ZNF385B: variants seen among roughly 807,000 people sequenced by gnomAD.
ZNF385B encodes zinc finger protein 533.
A neutral mutation model predicts 39.2 loss-of-function variants in ZNF385B; 23 were observed. The ratio of observed to expected loss-of-function variants is 0.59; its 90% confidence interval spans 0.42 to 0.83. The LOEUF is 0.83. Among genes scored for constraint, ZNF385B ranks in the 40% least tolerant of loss-of-function variants. ZNF385B has a pLI of 0.00. For missense variants in ZNF385B, 552 were observed against 598.9 expected (o/e 0.92, Z 0.82); for synonymous variants, 205 against 222.6 (o/e 0.92, Z 0.70).
At chr2:179,620,502 A>T (rs1690121026) in intron 3 of ZNF385B, among the ~76,000 whole-genome samples, 1 of 152,066 alleles carries the variant, frequency 6.6e-6, no homozygotes. Context: ...AGAATAACCT[A>T]TGGAGGCCAC....
intron 3 of ZNF385B, among the ~76,000 whole-genome samples, chr2:179,733,476 A>G (rs762477747): frequency 2.6e-5 from 4 of 152,192 alleles, no homozygotes; most frequent in Non-Finnish European, 5.9e-5. Context: ...AAAGTGAGCC[A>G]TGTGTATGTT....
At chr2:179,628,392 C>T (rs1690869821) in intron 3 of ZNF385B, among the ~76,000 whole-genome samples, 1 of 152,094 alleles carries the variant, frequency 6.6e-6, no homozygotes, top group Non-Finnish European at 1.5e-5. Flanking sequence ...GTCATTTGTC[C>T]TGTAGAATGT....
chr2:179,513,749 G>T (rs1268249012), intron 5 of ZNF385B, among the ~76,000 whole-genome samples: 1 of 152,170 alleles, frequency 6.6e-6, no homozygotes, highest in African/African-American at 2.4e-5. Flanking sequence ...AGATCATGTG[G>T]TTCATTTTAG....
At chr2:179,499,957 T>A (rs559464653) in intron 5 of ZNF385B, among the ~76,000 whole-genome samples, 10 of 152,146 alleles carry the variant, frequency 6.6e-5, no homozygotes, top group Admixed American at 6.5e-4. Context: ...GGATACAAAA[T>A]TAACATACAA....
intron 3 of ZNF385B, among the ~76,000 whole-genome samples, chr2:179,681,494 T>C (rs1225654335): frequency 6.6e-6 from 1 of 152,204 alleles, no homozygotes; most frequent in Non-Finnish European, 1.5e-5. Context: ...TTTTACATTA[T>C]GGTTAGACAA....
At chr2:179,637,334 A>AG (rs955171972) in intron 3 of ZNF385B, 5 of 152,146 alleles carry the variant, frequency 3.3e-5, no homozygotes, top group African/African-American at 9.7e-5. Flanking sequence ...GGGATTTTAT[A>AG]GGGGGAGTTT....
chr2:179,479,483 T>C (rs12052861), intron 6 of ZNF385B, among the ~76,000 whole-genome samples: 127,544 of 152,132 alleles, frequency 0.84, 53,700 homozygotes, highest in East Asian at 0.92. Flanking sequence ...GAGGGCTTCC[T>C]TAGCTCTTGG....
At chr2:179,495,107 C>G (rs1201889806) in intron 5 of ZNF385B, among the ~76,000 whole-genome samples, 5 of 152,160 alleles carry the variant, frequency 3.3e-5, no homozygotes, top group Admixed American at 6.5e-5. Flanking sequence ...ATTTCGGGAC[C>G]TGCCTTGTGC....
chr2:179,725,578 T>C (rs1213239966), intron 3 of ZNF385B, among the ~76,000 whole-genome samples: 1 of 151,592 alleles, frequency 6.6e-6, no homozygotes, highest in Non-Finnish European at 1.5e-5. Context: ...AGTATAGTTT[T>C]GATATGTATT....
rs200637545 is a variant in ZNF385B at position 179,537,754 on chromosome 2, CA to C, written c.441+7072del. Among the ~76,000 whole-genome samples the C allele has an allele frequency of 7.1e-3, 706 of 99,938 alleles. 6 individuals carry two copies. The highest frequency in any genetic ancestry group is 0.029 in the African/African-American group (647 of 22,604). 65.6% of individuals were successfully genotyped at this position (99,938 alleles called of 152,430 possible). ...AGACTCTGTCTCAAAAACAAACAAACAAACAAACAAACAAAAAAAAAAATTA... is the reference window on the plus strand; with the variant it reads ...AGACTCTGTCTCAAAAACAAACAAACAACAAACAAACAAAAAAAAAAATTA... On this transcript the variant is annotated intron_variant, in intron 4 of 9. Transcript: ENST00000410066.
chr2:179,632,449 C>G (rs1691320001), intron 3 of ZNF385B, among the ~76,000 whole-genome samples: 1 of 152,188 alleles, frequency 6.6e-6, no homozygotes, highest in African/African-American at 2.4e-5. Flanking sequence ...TCCTGAATGA[C>G]TACTGGGTAA....
intron 4 of ZNF385B, among the ~76,000 whole-genome samples, chr2:179,542,432 A>G (rs901487288): frequency 2.6e-5 from 4 of 152,122 alleles, no homozygotes; most frequent in Admixed American, 1.3e-4. Context: ...TTTTTATTTG[A>G]AAATTATGTT....
intron 3 of ZNF385B, among the ~76,000 whole-genome samples, chr2:179,749,967 C>T (rs146292555): frequency 1.2e-4 from 18 of 152,182 alleles, no homozygotes; most frequent in Middle Eastern, 3.4e-3. Flanking sequence ...TCAACCACTC[C>T]TTTTAATCAT....
intron 3 of ZNF385B, among the ~76,000 whole-genome samples, chr2:179,703,860 G>C (rs1205593377): frequency 6.6e-6 from 1 of 152,170 alleles, no homozygotes; most frequent in Non-Finnish European, 1.5e-5. Context: ...CCTCATGATG[G>C]AGGTATTAAT....
rs1575417291 is a variant in ZNF385B, at chr2:179,750,248, T to C, written c.298+19255A>G. On this transcript the variant is annotated intron_variant, in intron 3 of 9. Transcript: ENST00000410066. ...TTGTAACTTGAGACTTCATCCTATT[T>C]CCAAAATTCTCTACTCTCATTCCCA... Among the ~76,000 whole-genome samples, 8 of 152,216 alleles carry C rather than the reference T, an allele frequency of 5.3e-5. No individual in the cohort carries two copies. In the South Asian group the frequency reaches 1.7e-3, roughly 32 times the overall value.
chr2:179,605,374 C>T (rs1288450133), intron 3 of ZNF385B, among the ~76,000 whole-genome samples: 1 of 152,004 alleles, frequency 6.6e-6, no homozygotes, highest in Non-Finnish European at 1.5e-5. Flanking sequence ...TGAAGTGTCA[C>T]TTTCTAAATG....
At position 179,720,117 on chromosome 2, in the gene ZNF385B, G is replaced by A. The variant is rs1049787880; in HGVS notation, c.298+49386C>T. Among the ~76,000 whole-genome samples the A allele has an allele frequency of 2.0e-5, 3 of 152,088 alleles. 1 individual carries two copies. Among genetic ancestry groups the A allele is most frequent in the Admixed American group, 1.3e-4 (2 of 15,260 alleles). On this transcript the variant is annotated intron_variant, in intron 3 of 9. Coordinates refer to ENST00000410066, the MANE Select transcript of ZNF385B (RefSeq NM_152520.6). ...TTCCTAAGGAAACAACATTGGGAGA[G>A]GGTAAAGCGACGGTCATCTCATGCA...
chr2:179,558,296 G>A (rs973538408), intron 3 of ZNF385B, among the ~76,000 whole-genome samples: 1 of 152,040 alleles, frequency 6.6e-6, no homozygotes, highest in Non-Finnish European at 1.5e-5. Flanking sequence ...TCTAGCTCTA[G>A]GGCACAAAAT....
intron 3 of ZNF385B, among the ~76,000 whole-genome samples, chr2:179,552,201 A>G (rs112744801): frequency 6.7e-6 from 1 of 149,334 alleles, no homozygotes; most frequent in African/African-American, 2.5e-5. Flanking sequence ...TGGCCTTTAG[A>G]TATATAATCT....
Sources: gnomAD v4.1 joint callset for allele counts (sites outside exome capture counted in the v4.1 genomes callset) on GRCh38, gnomAD v4.1.1 for gene constraint, MANE v1.5 for transcripts, NCBI Gene and HGNC (gene_info 2026-07-23, HGNC 2026-07-21) for gene names.